BMP3: variants seen among roughly 807,000 people sequenced by gnomAD.
The protein encoded by BMP3 is bone morphogenetic protein 3 (osteogenic).
In BMP3, 23 loss-of-function variants were observed where a neutral mutation model predicts 38.1. The ratio of observed to expected loss-of-function variants is 0.60; its 90% CI spans 0.43 to 0.86. The LOEUF is 0.86. BMP3 is among the 40% of genes least tolerant of loss of function. The pLI is 0.00. For missense variants in BMP3, 628 were observed against 579.6 expected (o/e 1.08, Z -0.86); for synonymous variants, 258 against 225.7 (o/e 1.14, Z -1.28).
chr4:81,046,041 G>T lies in BMP3; in HGVS notation c.620G>T (p.Arg207Met), dbSNP rs750540157. 1 of 1,614,162 alleles carries T rather than the reference G, an allele frequency of 6.2e-7. No homozygotes were observed. The highest frequency in any genetic ancestry group is 8.5e-7 in the Non-Finnish European group (1 of 1,180,016). ...TCTAAAGATATCACTCAACTCTTGA[G>T]GAAGGCCAAAGAAAATGAAGAGTTC... ...WLSKDITQLL[R>M]KAKENEEFLI... The change falls in exon 2 of 3, where the codon AGG (arginine) becomes ATG (methionine). Residue 207 changes from arginine (R) to methionine (M), a missense_variant. By Grantham distance (91) the Arg-to-Met change is moderately conservative. Coordinates refer to ENST00000282701, the MANE Select transcript of BMP3 (RefSeq NM_001201.5).
intron 2 of BMP3, among the ~76,000 whole-genome samples, chr4:81,047,828 T>A (rs1740298087): frequency 6.6e-6 from 1 of 151,804 alleles, no homozygotes; most frequent in Non-Finnish European, 1.5e-5. Flanking sequence ...TAGTTCCAGC[T>A]ACTCTGGAGG....
chr4:81,049,486 A>G (rs1452700254), intron 2 of BMP3, among the ~76,000 whole-genome samples: 1 of 152,206 alleles, frequency 6.6e-6, no homozygotes, highest in Non-Finnish European at 1.5e-5. Flanking sequence ...GAGACATAAC[A>G]GGGATAAGTG....
chr4:81,036,230 T>C (rs1047632035), intron 1 of BMP3, among the ~76,000 whole-genome samples: 1 of 152,048 alleles, frequency 6.6e-6, no homozygotes, highest in African/African-American at 2.4e-5. Context: ...CTAATGATCA[T>C]ATATATCACT....
At chr4:81,043,328 C>A (rs1740136587) in intron 1 of BMP3, among the ~76,000 whole-genome samples, 1 of 152,150 alleles carries the variant, frequency 6.6e-6, no homozygotes, top group South Asian at 2.1e-4. Flanking sequence ...ATTAATAAAT[C>A]TCTCATTCTC....
chr4:81,049,315 A>T (rs146725993), intron 2 of BMP3, among the ~76,000 whole-genome samples: 2 of 152,328 alleles, frequency 1.3e-5, no homozygotes, highest in African/African-American at 4.8e-5. Flanking sequence ...CTTTTCAAAC[A>T]TCACAAAGCT....
In BMP3 at chr4:81,031,430, A is replaced by T; in HGVS notation, c.146A>T (p.Glu49Val). 1.2e-6 allele frequency: 2 copies of T among 1,613,592 alleles called. No homozygotes were observed. Among genetic ancestry groups the T allele is most frequent in the Non-Finnish European group, 8.5e-7 (1 of 1,179,882 alleles). Residue 49 changes from glutamate (E) to valine (V), a missense_variant, in exon 1 of 3, where the codon GAG (glutamate) becomes GTG (valine). Transcript: ENST00000282701. ...DRTAGGGPDS[E>V]LQPQDKVSEH... ...ACGGCAGGTGGTGGCCCGGACTCCG[A>T]GCTGCAGCCGCAAGACAAGGTCTCT...
Position 81,055,131 on chromosome 4 carries a change from T to C in BMP3, c.*1595T>C, listed in dbSNP as rs1740514826. ...GAAGGGTTAAGTTTATAATTCCAGCTATTTCACACCCGTCTTCCTTGAAGG... is the reference window on the plus strand; with the variant it reads ...GAAGGGTTAAGTTTATAATTCCAGCCATTTCACACCCGTCTTCCTTGAAGG... On this transcript the variant is annotated 3_prime_UTR_variant, in exon 3 of 3. Transcript: ENST00000282701. 6.6e-6 allele frequency: 1 copy of C among 152,214 alleles called. No homozygotes were observed. The highest frequency in any genetic ancestry group is 1.5e-5 in the Non-Finnish European group (1 of 68,022). 9.4% of individuals were successfully genotyped at this position (152,214 alleles called of 1,614,324 possible). A position where few individuals can be genotyped will look rare whatever the true frequency, so the allele number is the denominator to read the frequency against.
chr4:81,031,449 G>T lies in BMP3; in HGVS notation c.165G>T (p.Lys55Asn), dbSNP rs541377183. 1.2e-6 allele frequency: 2 copies of T among 1,613,684 alleles called. No individual in the cohort carries two copies. Among genetic ancestry groups the T allele is most frequent in the Admixed American group, 1.7e-5 (1 of 60,004 alleles). The change falls in exon 1 of 3, where the codon AAG becomes AAT. Residue 55 changes from lysine to asparagine, a missense_variant. Physicochemically the swap from Lys to Asn is moderately conservative, Grantham distance 94. Coordinates refer to ENST00000282701, the MANE Select transcript of BMP3 (RefSeq NM_001201.5). The part of the protein sequence containing the change: ...GPDSELQPQD[K>N]VSEHMLRLYD... ...ACTCCGAGCTGCAGCCGCAAGACAA[G>T]GTCTCTGAACACATGCTGCGGCTCT...
chr4:81,053,599 C>CTTTT lies in BMP3; in HGVS notation c.*64_*65insTTTT. On this transcript the variant is annotated 3_prime_UTR_variant, in exon 3 of 3. Transcript: ENST00000282701. ...TTAGTTTATTTTTATGGACTTCTTC[C>CTTTT]TGTTTTTTTTTTTTTTTTTTTTGCA... 35 of 561,752 alleles carry CTTTT rather than the reference C, an allele frequency of 6.2e-5. No individual in the cohort carries two copies. The highest frequency in any genetic ancestry group is 7.5e-5 in the Non-Finnish European group (31 of 413,198). The allele number at this position is 561,752 out of a possible 1,614,324, so 34.8% of individuals were successfully genotyped here.
At chr4:81,051,558 A>C (rs1162436197) in intron 2 of BMP3, among the ~76,000 whole-genome samples, 1 of 152,196 alleles carries the variant, frequency 6.6e-6, no homozygotes, top group Non-Finnish European at 1.5e-5. Context: ...ATTGAGTCAT[A>C]AAAATAACTT....
intron 1 of BMP3, among the ~76,000 whole-genome samples, chr4:81,045,505 T>G (rs1578297802): frequency 6.6e-6 from 1 of 152,196 alleles, no homozygotes. Context: ...TATTGATGTA[T>G]CTACTTTTTC....
At position 81,046,570 on chromosome 4, in the gene BMP3, C is replaced by T; in HGVS notation, c.1149C>T (p.Gly383=). 6.2e-7 allele frequency: 1 copy of T among 1,614,140 alleles called. No individual in the cohort carries two copies. Among genetic ancestry groups the T allele is most frequent in the Non-Finnish European group, 8.5e-7 (1 of 1,180,012 alleles). Residue 383 remains glycine, a synonymous_variant, in exon 2 of 3, where the codon GGC becomes GGT. Transcript: ENST00000282701. ...TCAAGGTAGACTTTGCAGATATTGG[C>T]TGGAGTGAATGGATTATCTCCCCCA... ...RYLKVDFADI[G]WSEWIISPKS...
chr4:81,031,200 C>A lies in BMP3; in HGVS notation c.-85C>A, dbSNP rs568344334. 4.0e-5 allele frequency: 57 copies of A among 1,412,462 alleles called. No individual in the cohort carries two copies. Among genetic ancestry groups the A allele is most frequent in the Non-Finnish European group, 5.2e-5 (55 of 1,065,598 alleles). 87.5% of individuals were successfully genotyped at this position (1,412,462 alleles called of 1,614,324 possible). A position where few individuals can be genotyped will look rare whatever the true frequency, so the allele number is the denominator to read the frequency against. ...TCGCCCCAGCTGGTTTGGAGTTCAA[C>A]CCTCGGCTCCGCCGCCGGCTCCTTG... On this transcript the variant is annotated 5_prime_UTR_variant, in exon 1 of 3. Transcript: ENST00000282701.
Position 81,053,598 on chromosome 4 carries a change from C to A in BMP3, c.*62C>A, listed in dbSNP as rs1740458487. 5.1e-6 allele frequency: 4 copies of A among 779,172 alleles called. No homozygotes were observed. The highest frequency in any genetic ancestry group is 6.9e-6 in the Non-Finnish European group (4 of 578,698). The allele number at this position is 779,172 out of a possible 1,614,324, so 48.3% of individuals were successfully genotyped here. The stretch of plus-strand genomic sequence containing the variant: ...ATTAGTTTATTTTTATGGACTTCTT[C>A]CTGTTTTTTTTTTTTTTTTTTTTGC... On this transcript the variant is annotated 3_prime_UTR_variant, in exon 3 of 3. Coordinates refer to ENST00000282701, the MANE Select transcript of BMP3 (RefSeq NM_001201.5).
chr4:81,048,246 T>A (rs750076328), intron 2 of BMP3, among the ~76,000 whole-genome samples: 3 of 152,164 alleles, frequency 2.0e-5, no homozygotes, highest in Admixed American at 6.5e-5. Flanking sequence ...ACAACAAAGA[T>A]GACAAATGTA....
intron 1 of BMP3, among the ~76,000 whole-genome samples, chr4:81,033,676 CT>C (rs1336278716): frequency 6.6e-6 from 1 of 152,068 alleles, no homozygotes; most frequent in Non-Finnish European, 1.5e-5. Flanking sequence ...TACTAACACA[CT>C]AAAAAGACTA....
Position 81,031,043 on chromosome 4 carries a change from G to A in BMP3, c.-242G>A, listed in dbSNP as rs941956758. ...CGTTGGAGTGGAGACGGCGCCCGCAGCGCCCTGCGCGGGTGAGGTCCGCGC... is the reference window on the plus strand; with the variant it reads ...CGTTGGAGTGGAGACGGCGCCCGCAACGCCCTGCGCGGGTGAGGTCCGCGC... On this transcript the variant is annotated 5_prime_UTR_variant, in exon 1 of 3. Transcript: ENST00000282701. The A allele has an allele frequency of 1.4e-5, 7 of 513,188 alleles. No homozygotes were observed. Among genetic ancestry groups the A allele is most frequent in the Non-Finnish European group, 2.4e-5 (7 of 295,776 alleles). 31.8% of individuals were successfully genotyped at this position (513,188 alleles called of 1,614,324 possible).
rs200868786 is a variant in BMP3 at position 81,040,607 on chromosome 4, C to A, written c.317-5131C>A. On this transcript the variant is annotated intron_variant, in intron 1 of 2. Transcript: ENST00000282701. ...ATATCATTGCTAAACTTTTTTTTCT[C>A]CCTCCAGGCAATGTTTTCTTATTTA... is the stretch of plus-strand genomic sequence containing the variant. Among the ~76,000 whole-genome samples the A allele has an allele frequency of 3.3e-5, 5 of 151,998 alleles. No individual in the cohort carries two copies. The East Asian group carries it at 9.7e-4, about 29-fold the overall frequency.
Position 81,053,651 on chromosome 4 carries a change from TTATTTC to T in BMP3, c.*119_*124del. 1.7e-6 allele frequency: 1 copy of T among 582,770 alleles called. No homozygotes were observed. Among genetic ancestry groups the T allele is most frequent in the South Asian group, 5.0e-5 (1 of 20,200 alleles). 36.1% of individuals were successfully genotyped at this position (582,770 alleles called of 1,614,324 possible). A position where few individuals can be genotyped will look rare whatever the true frequency, so the allele number is the denominator to read the frequency against. On this transcript the variant is annotated 3_prime_UTR_variant, in exon 3 of 3. Coordinates refer to ENST00000282701, the MANE Select transcript of BMP3 (RefSeq NM_001201.5). Reference sequence around the variant, plus strand: ...TGCCAATGCATTTTGTTTCAAAAGATTATTTCTATAGTCAGAGGGGAATGAGCAAAT... The same window carrying T: ...TGCCAATGCATTTTGTTTCAAAAGATTATAGTCAGAGGGGAATGAGCAAAT...
Sources: allele counts gnomAD v4.1 joint callset (sites outside exome capture counted in the v4.1 genomes callset), GRCh38; gene constraint gnomAD v4.1.1; transcripts MANE v1.5; gene names NCBI Gene and HGNC (gene_info 2026-07-23, HGNC 2026-07-21).